The following BBOF1 variants were observed in gnomAD, a reference collection of about 807,000 sequenced individuals.
BBOF1 encodes the protein basal body-orientation factor 1.
BBOF1 carries 62 observed loss-of-function variants against 68.0 expected under a neutral mutation model. The observed-to-expected ratio is 0.91, with a 90% CI of 0.74 to 1.13. The LOEUF (loss-of-function observed/expected upper bound fraction) is 1.13, where lower values mean the gene tolerates loss of function less well. Among genes scored for constraint, BBOF1 ranks in the 50% most tolerant of loss-of-function variants. The probability of loss-of-function intolerance (pLI) is 0.00; values close to 1 mark genes in which losing one functional copy is unlikely to be tolerated. For synonymous variants in BBOF1, 208 were observed against 198.8 expected, an observed-to-expected ratio of 1.05 and a Z score of -0.39; for missense variants, 534 against 600.1, an observed-to-expected ratio of 0.89 and a Z score of 1.15.
intron 2 of BBOF1, among the ~76,000 whole-genome samples, chr14:74,028,710 T>TA (rs1219805187): frequency 6.6e-6 from 1 of 150,442 alleles, no homozygotes; most frequent in Non-Finnish European, 1.5e-5. Context: ...ACTCCATCTC[T>TA]ATTTTTTTTT....
chr14:74,043,245 A>G (rs555004357), intron 5 of BBOF1, among the ~76,000 whole-genome samples: 1 of 152,054 alleles, frequency 6.6e-6, no homozygotes, highest in South Asian at 2.1e-4. Context: ...ACATTTATAT[A>G]TATATATTTT....
chr14:74,046,412 A>C (rs2059950217), intron 6 of BBOF1, among the ~76,000 whole-genome samples: 1 of 89,044 alleles, frequency 1.1e-5, no homozygotes, highest in Non-Finnish European at 2.2e-5. Context: ...CATCCAGGCT[A>C]TCCAGGCTGG....
intron 11 of BBOF1, chr14:74,059,166 C>A: frequency 4.7e-6 from 1 of 213,494 alleles, no homozygotes; most frequent in Non-Finnish European, 9.6e-6. Flanking sequence ...TTTTTAACCA[C>A]TTTATGTCAT....
intron 11 of BBOF1, among the ~76,000 whole-genome samples, chr14:74,062,051 GA>G (rs369414700): frequency 0.033 from 1,938 of 59,478 alleles, 111 homozygotes; most frequent in African/African-American, 0.1. Context: ...TCTCTACTGG[GA>G]AAAAAAAAAA....
chr14:74,060,194 T>C (rs906516185), intron 11 of BBOF1: 3 of 155,110 alleles, frequency 1.9e-5, no homozygotes, highest in African/African-American at 7.2e-5. Flanking sequence ...TTTTAAATAA[T>C]AGATACGGGG....
At chr14:74,051,882 T>G (rs2060074686) in intron 8 of BBOF1, among the ~76,000 whole-genome samples, 1 of 151,734 alleles carries the variant, frequency 6.6e-6, no homozygotes, top group Admixed American at 6.6e-5. Flanking sequence ...ATGCCCAGCC[T>G]AACATCTTCC....
intron 3 of BBOF1, among the ~76,000 whole-genome samples, chr14:74,033,129 C>A (rs2059614873): frequency 6.6e-6 from 1 of 152,108 alleles, no homozygotes; most frequent in East Asian, 1.9e-4. Context: ...AGGGTTATGT[C>A]AGAGATAAAA....
intron 1 of BBOF1, 105 bp from the exon 2 acceptor site, chr14:74,022,811 T>TA (rs962224281): frequency 9.0e-5 from 43 of 477,646 alleles, no homozygotes; most frequent in African/African-American, 8.0e-4. Context: ...GCAAAACAAA[T>TA]AAAAAAAGAG....
Position 74,065,307 on chromosome 14 carries a change from C to G in BBOF1, c.*608C>G, listed in dbSNP as rs745643331. ...TGGCTTCATCCAATGTTTCTGTCTC[C>G]AGAACCACAAGAACTGGACCAAAAA... On this transcript the variant is annotated 3_prime_UTR_variant, in exon 12 of 12. Transcript: ENST00000394009. The G allele has an allele frequency of 6.2e-7, 1 of 1,614,082 alleles. No individual in the cohort carries two copies. The highest frequency in any genetic ancestry group is 1.1e-5 in the South Asian group (1 of 91,080).
In BBOF1 at chr14:74,065,078, G is replaced by C. The variant is rs1376810718; in HGVS notation, c.*379G>C. ...AGGAAGAAATGGGGCAATGTGGGAG[G>C]TCATGGGGGCAATCTTAAACCAATG... is the stretch of plus-strand genomic sequence containing the variant. On this transcript the variant is annotated 3_prime_UTR_variant, in exon 12 of 12. Transcript: ENST00000394009. 1 of 1,449,112 alleles carries C rather than the reference G, an allele frequency of 6.9e-7. No individual in the cohort carries two copies. The highest frequency in any genetic ancestry group is 1.4e-5 in the African/African-American group (1 of 71,092). 89.8% of individuals were successfully genotyped at this position (1,449,112 alleles called of 1,614,324 possible). A position where few individuals can be genotyped will look rare whatever the true frequency, so the allele number is the denominator to read the frequency against.
At chr14:74,037,372 G>T (rs1735759897) in intron 4 of BBOF1, among the ~76,000 whole-genome samples, 1 of 142,258 alleles carries the variant, frequency 7.0e-6, no homozygotes. Flanking sequence ...GCTCACTGCA[G>T]CCTCTACTTC....
At chr14:74,068,777 A>G, downstream of BBOF1, 1 of 1,480,646 alleles carries the variant, frequency 6.8e-7, no homozygotes, top group Non-Finnish European at 9.4e-7. Flanking sequence ...GAGTGGGATG[A>G]GTGGCCTCTC....
At chr14:74,033,850 A>G (rs1025500018) in intron 3 of BBOF1, among the ~76,000 whole-genome samples, 178 bp from the exon 4 acceptor site, 3 of 152,056 alleles carry the variant, frequency 2.0e-5, no homozygotes, top group Non-Finnish European at 2.9e-5. Flanking sequence ...TGGGCGACAG[A>G]GCAAGACTCC....
rs2060440784 is a variant in BBOF1, at chr14:74,065,198, A to G, written c.*499A>G. On this transcript the variant is annotated 3_prime_UTR_variant, in exon 12 of 12. Coordinates refer to ENST00000394009, the MANE Select transcript of BBOF1 (RefSeq NM_025057.3). ...TCACGAACCTGTCCAACATCCACCA[A>G]GTGGGCATATTTCCGAGCAGTGGCT... 2.5e-6 allele frequency: 4 copies of G among 1,614,150 alleles called. No individual in the cohort carries two copies. In the East Asian group the frequency reaches 6.7e-5, roughly 27 times the overall value.
At chr14:74,066,900 CA>C, downstream of BBOF1, 1 of 1,612,370 alleles carries the variant, frequency 6.2e-7, no homozygotes, top group Non-Finnish European at 8.5e-7. Context: ...TAAAACAACA[CA>C]GAAGAATTTA....
chr14:74,060,316 A>C (rs1301113744), intron 11 of BBOF1: 3 of 315,852 alleles, frequency 9.5e-6, no homozygotes, highest in South Asian at 3.2e-5. Flanking sequence ...TTTTCTTTAC[A>C]TACACTGGCT....
rs766363949 is a variant in BBOF1 at position 74,048,003 on chromosome 14, A to T, written c.721A>T (p.Lys241Ter). The T allele has an allele frequency of 1.2e-6, 2 of 1,613,368 alleles. No individual in the cohort carries two copies. Among genetic ancestry groups the T allele is most frequent in the Non-Finnish European group, 1.7e-6 (2 of 1,179,662 alleles). Residue 241 changes from lysine (K) to a stop codon, truncating the protein, a stop_gained, in exon 7 of 12, where the codon AAG becomes TAG. Coordinates refer to ENST00000394009, the MANE Select transcript of BBOF1 (RefSeq NM_025057.3). LOFTEE classifies it high-confidence loss of function. ...TCAGAAAGCTCTGGCATATCACCTG[A>T]AGGAAACTGACGCTCTACAAAAAAA... ...YLQKALAYHL[K>*]ETDALQKNSQ...
chr14:74,076,415 G>A (rs1278352140), intron 9 of BBOF1, among the ~76,000 whole-genome samples: 1 of 152,102 alleles, frequency 6.6e-6, no homozygotes, highest in Non-Finnish European at 1.5e-5. Context: ...AGGCTGGAGT[G>A]CAGTGGCATG....
chr14:74,057,879 A>G, intron 11 of BBOF1: 3 of 1,024,530 alleles, frequency 2.9e-6, no homozygotes, highest in Non-Finnish European at 3.5e-6. Context: ...TAATTAGAGC[A>G]TCACAGTTCT....
Sources: gnomAD v4.1 joint callset for allele counts (sites outside exome capture counted in the v4.1 genomes callset) on GRCh38, gnomAD v4.1.1 for gene constraint, MANE v1.5 for transcripts, NCBI Gene and HGNC (gene_info 2026-07-23, HGNC 2026-07-21) for gene names.